TRIP11: variants seen among roughly 807,000 people sequenced by gnomAD.
The protein encoded by TRIP11 is thyroid hormone receptor interactor 11.
In TRIP11, 148 loss-of-function variants were observed where a neutral mutation model predicts 223.1. The observed-to-expected ratio is 0.66, with a 90% CI of 0.58 to 0.76. The LOEUF (loss-of-function observed/expected upper bound fraction) is 0.76, where lower values mean the gene tolerates loss of function less well. TRIP11 is among the 30% of genes least tolerant of loss of function. The probability of loss-of-function intolerance (pLI) is 0.00; values close to 1 mark genes in which losing one functional copy is unlikely to be tolerated. For missense variants in TRIP11, 2,043 were observed against 2,222.0 expected (o/e 0.92, Z 1.62); for synonymous variants, 762 against 772.6 (o/e 0.99, Z 0.23).
intron 15 of TRIP11, among the ~76,000 whole-genome samples, chr14:91,991,362 C>G (rs2056669518): frequency 6.6e-6 from 1 of 152,122 alleles, no homozygotes; most frequent in Admixed American, 6.5e-5. Context: ...AGTTTCTGTT[C>G]ATTATAAATA....
chr14:92,010,164 TC>T (rs1268797559), intron 9 of TRIP11, among the ~76,000 whole-genome samples: 3 of 152,240 alleles, frequency 2.0e-5, no homozygotes, highest in Admixed American at 2.0e-4. Context: ...AGAATCTTAT[TC>T]CTTCCTTGCT....
At chr14:91,981,696 C>T (rs143494020) in intron 16 of TRIP11, among the ~76,000 whole-genome samples, 40 of 152,324 alleles carry the variant, frequency 2.6e-4, no homozygotes, top group African/African-American at 9.4e-4. Context: ...CCCAGCCCTG[C>T]TTTGTCTTTT....
In TRIP11 at chr14:91,975,284, ACT is replaced by A; in HGVS notation, c.5343_5344del (p.Lys1781AsnfsTer20). ...ACCAATGAAGAGGTTTCTCATTAGG[ACT>A]CTATGAAAATAAAGGCAGAAACAGC... On this transcript the variant is annotated frameshift_variant and splice_region_variant, in exon 18 of 21. Transcript: ENST00000267622. LOFTEE classifies it high-confidence loss of function. The A allele has an allele frequency of 6.2e-7, 1 of 1,612,074 alleles. No homozygotes were observed. The highest frequency in any genetic ancestry group is 1.1e-5 in the South Asian group (1 of 91,044).
At chr14:92,017,065 C>G (rs922783694) in intron 5 of TRIP11, among the ~76,000 whole-genome samples, 4 of 152,036 alleles carry the variant, frequency 2.6e-5, no homozygotes, top group African/African-American at 9.7e-5. Context: ...TCCTTTAACT[C>G]TAAACCTTGA....
At chr14:91,994,139 G>A (rs1055196555) in intron 14 of TRIP11, among the ~76,000 whole-genome samples, 2 of 151,728 alleles carry the variant, frequency 1.3e-5, no homozygotes, top group Middle Eastern at 3.4e-3. Context: ...CTCTCCCTTC[G>A]TAACTCTTCT....
At chr14:92,010,948 T>G (rs375110221) in intron 9 of TRIP11, 38 bp downstream of exon 9, 7 of 1,588,196 alleles carry the variant, frequency 4.4e-6, no homozygotes, top group Non-Finnish European at 5.2e-6. Context: ...CTGTTACACA[T>G]ACCATTTTAA....
At chr14:92,022,304 G>C (rs1255999738) in intron 3 of TRIP11, among the ~76,000 whole-genome samples, 1 of 152,138 alleles carries the variant, frequency 6.6e-6, no homozygotes, top group Non-Finnish European at 1.5e-5. Context: ...TGAATCTGAG[G>C]TAACTTTGTA....
At chr14:92,006,501 C>CA in intron 10 of TRIP11, 53 bp from the exon 11 acceptor site, 7 of 1,579,890 alleles carry the variant, frequency 4.4e-6, no homozygotes, top group East Asian at 4.5e-5. Context: ...TTTTAGTACT[C>CA]AAAGAAAATT....
At chr14:91,987,230 CTT>C (rs1196063749) in intron 16 of TRIP11, among the ~76,000 whole-genome samples, 3 of 152,124 alleles carry the variant, frequency 2.0e-5, no homozygotes, top group African/African-American at 7.2e-5. Flanking sequence ...AGGTAGAAGA[CTT>C]TTGGTTTGGC....
intron 8 of TRIP11, among the ~76,000 whole-genome samples, chr14:92,011,483 CAAAAAAA>C (rs200967942): frequency 2.4e-5 from 1 of 42,468 alleles, no homozygotes; most frequent in Non-Finnish European, 4.4e-5. Context: ...GACTCCGTCT[CAAAAAAA>C]AAAAAAAAAA....
At chr14:91,979,123 G>A (rs1046881562) in intron 16 of TRIP11, among the ~76,000 whole-genome samples, 2 of 151,946 alleles carry the variant, frequency 1.3e-5, no homozygotes, top group Admixed American at 6.6e-5. Context: ...CGGGTGTGGC[G>A]GCATGAACCT....
chr14:91,975,430 A>G, intron 17 of TRIP11, 144 bp from the exon 18 acceptor site: 2 of 456,762 alleles, frequency 4.4e-6, no homozygotes, highest in Non-Finnish European at 7.6e-6. Context: ...AGTGTCTTTA[A>G]AAAATCTTGA....
rs187759464 is a variant in TRIP11 at position 91,966,988 on chromosome 14, C to T, written c.*2685G>A. 105 of 199,650 alleles carry T rather than the reference C, an allele frequency of 5.3e-4. No individual in the cohort carries two copies. Among genetic ancestry groups the T allele is most frequent in the African/African-American group, 1.7e-3 (72 of 41,692 alleles). 12.4% of individuals were successfully genotyped at this position (199,650 alleles called of 1,614,324 possible). A position where few individuals can be genotyped will look rare whatever the true frequency, so the allele number is the denominator to read the frequency against. On this transcript the variant is annotated 3_prime_UTR_variant, in exon 21 of 21. Coordinates refer to ENST00000267622, the MANE Select transcript of TRIP11 (RefSeq NM_004239.4). ...TATGCTTCATCACTGGTTACTAAGA[C>T]GGTTCAGTGAGCAGGTGGTTCATCT...
chr14:92,021,476 A>G, intron 4 of TRIP11, 80 bp downstream of exon 4: 1 of 1,427,254 alleles, frequency 7.0e-7, no homozygotes. Flanking sequence ...TCTGATATCA[A>G]AAGCTCTACA....
At chr14:91,973,625 A>G (rs2056426719) in intron 19 of TRIP11, among the ~76,000 whole-genome samples, 1 of 152,384 alleles carries the variant, frequency 6.6e-6, no homozygotes, top group Non-Finnish European at 1.5e-5. Flanking sequence ...AAAATAATGT[A>G]GTGTAGACCT....
chr14:91,986,171 G>A (rs1005387568), intron 16 of TRIP11, among the ~76,000 whole-genome samples: 35 of 152,170 alleles, frequency 2.3e-4, no homozygotes, highest in African/African-American at 8.2e-4. Flanking sequence ...GTTCGTATAC[G>A]TTTACAATGA....
Position 92,014,451 on chromosome 14 carries a change from T to A in TRIP11, c.950A>T (p.Asp317Val), listed in dbSNP as rs140416653. Residue 317 changes from aspartate to valine, a missense_variant, in exon 7 of 21, where the codon GAT becomes GTT. Coordinates refer to ENST00000267622, the MANE Select transcript of TRIP11 (RefSeq NM_004239.4). ...KMEQLEDKIK[D>V]INKKLSSAEN... ...TGCAGAAGATAATTTTTTATTTATA[T>A]CTTTTATTTTATCCTCAAGTTGTTC... 829 of 1,599,500 alleles carry A rather than the reference T, an allele frequency of 5.2e-4. 1 individual carries two copies. The highest frequency in any genetic ancestry group is 6.8e-4 in the Non-Finnish European group (793 of 1,174,404).
intron 4 of TRIP11, 127 bp from the exon 5 acceptor site, chr14:92,017,877 A>G (rs1424201274): frequency 1.3e-6 from 1 of 766,240 alleles, no homozygotes; most frequent in Non-Finnish European, 2.2e-6. Flanking sequence ...CGACTAAAGA[A>G]TGCCATGGAC....
At chr14:92,010,811 T>C (rs1243029247) in intron 9 of TRIP11, among the ~76,000 whole-genome samples, 175 bp downstream of exon 9, 1 of 151,966 alleles carries the variant, frequency 6.6e-6, no homozygotes, top group Middle Eastern at 3.2e-3. Context: ...CAGCCACTTA[T>C]ACTCTGAACT....
Sources: gnomAD v4.1 joint callset for allele counts (sites outside exome capture counted in the v4.1 genomes callset) on GRCh38, gnomAD v4.1.1 for gene constraint, MANE v1.5 for transcripts, NCBI Gene and HGNC (gene_info 2026-07-23, HGNC 2026-07-21) for gene names.